PXMP4: variants seen among roughly 807,000 people sequenced by gnomAD.
PXMP4 encodes the protein 24 kDa peroxisomal intrinsic membrane protein.
Under a neutral mutation model 21.6 loss-of-function variants are expected in PXMP4, and 16 were observed. The ratio of observed to expected loss-of-function variants is 0.74; its 90% CI spans 0.50 to 1.13. The LOEUF is 1.13. PXMP4 is among the 50% of genes most tolerant of loss of function. The pLI is 0.00. For synonymous variants in PXMP4, 127 were observed against 123.8 expected, an observed-to-expected ratio of 1.03 and a Z score of -0.17; for missense variants, 240 against 277.7, an observed-to-expected ratio of 0.86 and a Z score of 0.96.
chr20:33,707,417 G>A lies in PXMP4; in HGVS notation c.*289C>T. 1 of 375,846 alleles carries A rather than the reference G, an allele frequency of 2.7e-6. No homozygotes were observed. Among genetic ancestry groups the A allele is most frequent in the South Asian group, 3.8e-5 (1 of 26,476 alleles). 23.3% of individuals were successfully genotyped at this position (375,846 alleles called of 1,614,324 possible). On this transcript the variant is annotated 3_prime_UTR_variant, in exon 4 of 4. Coordinates refer to ENST00000409299, the MANE Select transcript of PXMP4 (RefSeq NM_007238.5). ...AAGAGACCTCAGGGCCCTCCTCTGA[G>A]CTCCTTGACCCCTGAGGCCTAGAGA...
At chr20:33,714,771 C>T in intron 1 of PXMP4, 35 bp from the exon 2 acceptor site, 16 of 1,592,386 alleles carry the variant, frequency 1.0e-5, no homozygotes, top group Non-Finnish European at 1.4e-5. Context: ...ACTATAATGT[C>T]ACTGTGTCGC....
intron 2 of PXMP4, among the ~76,000 whole-genome samples, chr20:33,713,556 C>A (rs183504794): frequency 6.6e-6 from 1 of 152,256 alleles, no homozygotes; most frequent in African/African-American, 2.4e-5. Context: ...TTTTCTGCCA[C>A]CCCCTGCTAG....
chr20:33,710,916 T>G, intron 2 of PXMP4, 163 bp from the exon 3 acceptor site: 1 of 665,078 alleles, frequency 1.5e-6, no homozygotes, highest in Admixed American at 3.2e-5. Flanking sequence ...AGGCCTTGAC[T>G]CAGTGCCACC....
intron 3 of PXMP4, among the ~76,000 whole-genome samples, chr20:33,710,081 A>T (rs1380987973): frequency 7.4e-6 from 1 of 134,378 alleles, no homozygotes; most frequent in African/African-American, 2.9e-5. Flanking sequence ...CTCTACACTG[A>T]ACCACACCCC....
chr20:33,712,691 C>T (rs1601206055), intron 2 of PXMP4, among the ~76,000 whole-genome samples: 1 of 152,334 alleles, frequency 6.6e-6, no homozygotes, highest in East Asian at 1.9e-4. Flanking sequence ...AGCGCAGTAG[C>T]GCAATCTCGG....
At chr20:33,716,440 C>T (rs768395415) in intron 1 of PXMP4, among the ~76,000 whole-genome samples, 3 of 152,210 alleles carry the variant, frequency 2.0e-5, no homozygotes, top group Non-Finnish European at 4.4e-5. Flanking sequence ...CTTCCCTCAG[C>T]CTTCCGGTCT....
intron 1 of PXMP4, among the ~76,000 whole-genome samples, chr20:33,717,642 A>AG: frequency 6.9e-6 from 1 of 145,120 alleles, no homozygotes; most frequent in Non-Finnish European, 1.5e-5. Context: ...TCCGTCTCAA[A>AG]AAAAAAAAAA....
intron 1 of PXMP4, among the ~76,000 whole-genome samples, chr20:33,716,215 C>T (rs1319567495): frequency 6.6e-6 from 1 of 152,172 alleles, no homozygotes; most frequent in Non-Finnish European, 1.5e-5. Context: ...TAACACCTTT[C>T]CACTACTCAC....
intron 2 of PXMP4, among the ~76,000 whole-genome samples, chr20:33,713,753 A>C (rs1487310740): frequency 6.6e-6 from 1 of 152,238 alleles, no homozygotes. Context: ...AAAATACAAA[A>C]TGAGCACATC....
At chr20:33,712,034 A>C (rs1601205604) in intron 2 of PXMP4, among the ~76,000 whole-genome samples, 1 of 151,798 alleles carries the variant, frequency 6.6e-6, no homozygotes, top group Admixed American at 6.6e-5. Flanking sequence ...ACAGAGAAGG[A>C]GCAGAGTCTA....
chr20:33,712,496 C>A (rs1347996896), intron 2 of PXMP4, among the ~76,000 whole-genome samples: 2 of 152,012 alleles, frequency 1.3e-5, no homozygotes, highest in Non-Finnish European at 2.9e-5. Context: ...GTTGCCCAGG[C>A]TGGAGTCCAG....
Position 33,704,872 on chromosome 20 carries a change from TAGAA to T in PXMP4, c.*2830_*2833del, listed in dbSNP as rs1207643061. 1 of 151,898 alleles carries T rather than the reference TAGAA, an allele frequency of 6.6e-6. No individual in the cohort carries two copies. Among genetic ancestry groups the T allele is most frequent in the Non-Finnish European group, 1.5e-5 (1 of 68,016 alleles). The allele number at this position is 151,898 out of a possible 1,614,324, so 9.4% of individuals were successfully genotyped here. ...ATTTCTACTAGTAACTTCTAAAATA[TAGAA>T]AGAGTGATGGAGTAAGTATATTAAT... is the stretch of plus-strand genomic sequence containing the variant. On this transcript the variant is annotated 3_prime_UTR_variant, in exon 4 of 4. Transcript: ENST00000409299.
chr20:33,703,023 C>T lies in PXMP4; in HGVS notation c.*4683G>A, dbSNP rs1474191779. Reference sequence around the variant, plus strand: ...TGCTCCCCGGCACAGACCACACTGCCTTCCTCCCTGGAGTGTGCAGTTGGA... The same window carrying T: ...TGCTCCCCGGCACAGACCACACTGCTTTCCTCCCTGGAGTGTGCAGTTGGA... On this transcript the variant is annotated 3_prime_UTR_variant, in exon 4 of 4. Transcript: ENST00000409299. 6.6e-6 allele frequency: 1 copy of T among 152,262 alleles called. No individual in the cohort carries two copies. The highest frequency in any genetic ancestry group is 1.5e-5 in the Non-Finnish European group (1 of 68,062). The allele number at this position is 152,262 out of a possible 1,614,324, so 9.4% of individuals were successfully genotyped here.
At chr20:33,708,088 ATTTAT>A (rs1207607793) in intron 3 of PXMP4, 119 bp from the exon 4 acceptor site, 5 of 1,142,760 alleles carry the variant, frequency 4.4e-6, no homozygotes, top group South Asian at 1.8e-5. Context: ...CTAGGGGTTT[ATTTAT>A]TTTAATTATC....
In PXMP4 at chr20:33,714,542, A is replaced by AC; in HGVS notation, c.176+131_176+132insG. On this transcript the variant is annotated intron_variant, in intron 2 of 3. Transcript: ENST00000409299. ...AACAACAACAACAACAACAACAACA[A>AC]AACACAACAAAAAAAGAGTTGAACT... The AC allele has an allele frequency of 5.2e-6, 5 of 963,052 alleles. No homozygotes were observed. In the South Asian group the frequency reaches 7.0e-5, roughly 14 times the overall value. 59.7% of individuals were successfully genotyped at this position (963,052 alleles called of 1,614,324 possible). A position where few individuals can be genotyped will look rare whatever the true frequency, so the allele number is the denominator to read the frequency against.
intron 2 of PXMP4, among the ~76,000 whole-genome samples, chr20:33,713,397 T>C (rs1215236806): frequency 6.6e-6 from 1 of 152,182 alleles, no homozygotes; most frequent in Non-Finnish European, 1.5e-5. Flanking sequence ...TACTCCAATG[T>C]CACTTTCTCA....
intron 2 of PXMP4, among the ~76,000 whole-genome samples, chr20:33,713,727 A>G (rs2018355341): frequency 6.6e-6 from 1 of 152,250 alleles, no homozygotes. Flanking sequence ...CAAAATAGAA[A>G]AAAATAAATA....
At position 33,705,604 on chromosome 20, in the gene PXMP4, CAA is replaced by C. The variant is rs772158398; in HGVS notation, c.*2100_*2101del. On this transcript the variant is annotated 3_prime_UTR_variant, in exon 4 of 4. Transcript: ENST00000409299. ...TGGGCGAGAGAGCAAGACTCTGTCT[CAA>C]AAAAAAAAAAAAAAGAAAAAATCAG... is the stretch of plus-strand genomic sequence containing the variant. 28 of 101,370 alleles carry C rather than the reference CAA, an allele frequency of 2.8e-4. No individual in the cohort carries two copies. Among genetic ancestry groups the C allele is most frequent in the Admixed American group, 4.3e-4 (4 of 9,368 alleles). 6.3% of individuals were successfully genotyped at this position (101,370 alleles called of 1,614,324 possible).
At chr20:33,719,542 C>A (rs966792412) in intron 1 of PXMP4, among the ~76,000 whole-genome samples, 3 of 152,244 alleles carry the variant, frequency 2.0e-5, no homozygotes, top group African/African-American at 4.8e-5. Context: ...CCCAAGACCT[C>A]TCTTGCAGGT....
Sources: allele counts gnomAD v4.1 joint callset (sites outside exome capture counted in the v4.1 genomes callset), GRCh38; gene constraint gnomAD v4.1.1; transcripts MANE v1.5; gene names NCBI Gene and HGNC (gene_info 2026-07-23, HGNC 2026-07-21).